The following CSNK1D variants were observed in gnomAD, a reference collection of about 807,000 sequenced individuals.
CSNK1D encodes casein kinase I isoform delta.
In CSNK1D, 16 loss-of-function variants were observed where a neutral mutation model predicts 46.6. The observed-to-expected ratio is 0.34, with a 90% CI of 0.23 to 0.52. The LOEUF (loss-of-function observed/expected upper bound fraction) is 0.52. Ranked by LOEUF, CSNK1D falls within the 20% of genes least tolerant of loss-of-function variation. The pLI is 0.95. For missense variants in CSNK1D, 398 were observed against 578.4 expected (o/e 0.69, Z 3.20); for synonymous variants, 276 against 228.2 (o/e 1.21, Z -1.89).
chr17:82,244,846 G>A lies in CSNK1D; in HGVS notation c.1198-15C>T. On this transcript the variant is annotated splice_polypyrimidine_tract_variant and intron_variant, in intron 8 of 8. Coordinates refer to ENST00000314028, the MANE Select transcript of CSNK1D (RefSeq NM_001893.6). ...CGACCAGGAATCTGTCGGAGCCAAA[G>A]CACAGGAGAAGGTCAGCATGGGGCT... 1 of 1,613,626 alleles carries A rather than the reference G, an allele frequency of 6.2e-7. No individual in the cohort carries two copies. Among genetic ancestry groups the A allele is most frequent in the South Asian group, 1.1e-5 (1 of 91,090 alleles).
At position 82,249,161 on chromosome 17, in the gene CSNK1D, T is replaced by C; in HGVS notation, c.1058-147A>G. 1 of 1,044,244 alleles carries C rather than the reference T, an allele frequency of 9.6e-7. No individual in the cohort carries two copies. Among genetic ancestry groups the C allele is most frequent in the South Asian group, 1.6e-5 (1 of 63,148 alleles). The allele number at this position is 1,044,244 out of a possible 1,614,324, so 64.7% of individuals were successfully genotyped here. On this transcript the variant is annotated intron_variant, in intron 7 of 8. Coordinates refer to ENST00000314028, the MANE Select transcript of CSNK1D (RefSeq NM_001893.6). This position sits in a 1 kb window ranked among gnomAD's most constrained non-coding sequence, Gnocchi z 6.7. ...TGGCCGATGGCCACCAACACTCAGA[T>C]CCGGCCGGAGGGACACAAAGGGACA...
At chr17:82,246,462 T>C in intron 8 of CSNK1D, 1 of 1,127,984 alleles carries the variant, frequency 8.9e-7, no homozygotes, top group Non-Finnish European at 1.1e-6. Flanking sequence ...AAGCGAGTCA[T>C]CGACTGTTGG....
rs750069938 is a variant in CSNK1D, at chr17:82,251,448, A to G, written c.816T>C (p.Leu272=). 6.2e-7 allele frequency: 1 copy of G among 1,614,136 alleles called. No homozygotes were observed. The highest frequency in any genetic ancestry group is 1.7e-5 in the Admixed American group (1 of 60,016). The change falls in exon 6 of 9, where the codon CTT becomes CTC. Residue 272 remains leucine, a synonymous_variant. Transcript: ENST00000314028. The surrounding 1 kb of genome is among the most constrained non-coding windows in gnomAD (Gnocchi z 4.5). ...CCTGGCGATGGAACAGATTCCGGAA[A>G]AGCTGCCGCAGGTACGAGTAGTCAG... ...DKPDYSYLRQ[L]FRNLFHRQGF...
At position 82,244,066 on chromosome 17, in the gene CSNK1D, C is replaced by G; in HGVS notation, c.*715G>C. ...CGAGGGCCTCAAGAGTTCCTGACAG[C>G]AGGCATGTCAATTACGGGAGGAGGG... On this transcript the variant is annotated 3_prime_UTR_variant, in exon 9 of 9. Transcript: ENST00000314028. 2.0e-6 allele frequency: 2 copies of G among 989,978 alleles called. No individual in the cohort carries two copies. The highest frequency in any genetic ancestry group is 2.4e-6 in the Non-Finnish European group (2 of 832,532). 61.3% of individuals were successfully genotyped at this position (989,978 alleles called of 1,614,324 possible).
Position 82,248,348 on chromosome 17 carries a change from G to C in CSNK1D, c.1197+527C>G, listed in dbSNP as rs2050903845. On this transcript the variant is annotated intron_variant, in intron 8 of 8. Coordinates refer to ENST00000314028, the MANE Select transcript of CSNK1D (RefSeq NM_001893.6). This position sits in a 1 kb window ranked among gnomAD's most constrained non-coding sequence, Gnocchi z 4.1. ...TGGCTAGGCCTGGGCTGCGCAACAG[G>C]GTACTTCTCGTCCAAGGGAAGACAG... 5 of 999,800 alleles carry C rather than the reference G, an allele frequency of 5.0e-6. No homozygotes were observed. In the African/African-American group the frequency reaches 7.0e-5, roughly 14 times the overall value. The allele number at this position is 999,800 out of a possible 1,614,324, so 61.9% of individuals were successfully genotyped here. A position where few individuals can be genotyped will look rare whatever the true frequency, so the allele number is the denominator to read the frequency against.
At chr17:82,266,140 C>A (rs1262730777) in intron 1 of CSNK1D, among the ~76,000 whole-genome samples, 2 of 152,200 alleles carry the variant, frequency 1.3e-5, no homozygotes, top group Non-Finnish European at 1.5e-5. Flanking sequence ...CTTGCCCGCC[C>A]CAGACAGCCT....
chr17:82,242,219 G>GC (rs1315848942), downstream of CSNK1D, among the ~76,000 whole-genome samples: 3 of 151,624 alleles, frequency 2.0e-5, no homozygotes, highest in African/African-American at 7.3e-5. Context: ...CTCTGGGGGG[G>GC]GGGGGAAGAG....
Position 82,273,331 on chromosome 17 carries a change from G to A in CSNK1D, c.51C>T (p.Ser17=), listed in dbSNP as rs766171024. The change falls in exon 1 of 9, where the codon AGC becomes AGT. Residue 17 remains serine, a synonymous_variant. Coordinates refer to ENST00000314028, the MANE Select transcript of CSNK1D (RefSeq NM_001893.6). The surrounding 1 kb of genome is among the most constrained non-coding windows in gnomAD (Gnocchi z 5.1). ...CGAGATAGATGTCTCCGAAGGAGCC[G>A]CTGCCGATCTTCCGGCCCAGCCGGT... The part of the protein sequence containing the change: ...NRYRLGRKIG[S]GSFGDIYLGT... 2.5e-6 allele frequency: 4 copies of A among 1,609,574 alleles called. No homozygotes were observed. Among genetic ancestry groups the A allele is most frequent in the South Asian group, 1.1e-5 (1 of 90,914 alleles).
In CSNK1D at chr17:82,251,114, CAG is replaced by C. The variant is rs909230878; in HGVS notation, c.885+263_885+264del. 3.6e-5 allele frequency: 17 copies of C among 477,794 alleles called. No homozygotes were observed. Among genetic ancestry groups the C allele is most frequent in the Non-Finnish European group, 6.2e-5 (16 of 258,870 alleles). 29.6% of individuals were successfully genotyped at this position (477,794 alleles called of 1,614,324 possible). On this transcript the variant is annotated intron_variant, in intron 6 of 8. Transcript: ENST00000314028. The surrounding 1 kb of genome is among the most constrained non-coding windows in gnomAD (Gnocchi z 4.5). Reference sequence around the variant, plus strand: ...TCTGGGCCCTAGCTCCGCTTGGTGACAGGGAGGGAAGGGGCCTCCTGCTGTCC... The same window carrying C: ...TCTGGGCCCTAGCTCCGCTTGGTGACGGAGGGAAGGGGCCTCCTGCTGTCC...
At position 82,243,072 on chromosome 17, in the gene CSNK1D, C is replaced by G. The variant is rs1021862114; in HGVS notation, c.*1709G>C. The G allele has an allele frequency of 1.0e-5, 10 of 985,516 alleles. No individual in the cohort carries two copies. Among genetic ancestry groups the G allele is most frequent in the Non-Finnish European group, 1.1e-5 (9 of 829,966 alleles). 61.0% of individuals were successfully genotyped at this position (985,516 alleles called of 1,614,324 possible). ...GGCTCTGACCCACCCCAACCTCCCT[C>G]TGTACTTCAACACACAGCTCCCACC... is the stretch of plus-strand genomic sequence containing the variant. On this transcript the variant is annotated 3_prime_UTR_variant, in exon 9 of 9. Coordinates refer to ENST00000314028, the MANE Select transcript of CSNK1D (RefSeq NM_001893.6).
At chr17:82,269,578 T>C (rs1357853919) in intron 1 of CSNK1D, among the ~76,000 whole-genome samples, 4 of 152,334 alleles carry the variant, frequency 2.6e-5, no homozygotes, top group Non-Finnish European at 5.9e-5. Flanking sequence ...AGTCAGTCCA[T>C]CCAGGTAACA....
chr17:82,247,879 G>C (rs2147157749), intron 8 of CSNK1D: 1 of 985,460 alleles, frequency 1.0e-6, no homozygotes, highest in Admixed American at 6.1e-5. Flanking sequence ...AATTATTAGT[G>C]AATTAGAAAC....
In CSNK1D at chr17:82,255,159, G is replaced by C. The variant is rs567459197; in HGVS notation, c.336+270C>G. Reference sequence around the variant, plus strand: ...CCTCCAGAAGCCAGTGAGCTGGGCCGCCGGAGCCTCGAGAAGCCAGTGAGC... The same window carrying C: ...CCTCCAGAAGCCAGTGAGCTGGGCCCCCGGAGCCTCGAGAAGCCAGTGAGC... On this transcript the variant is annotated intron_variant, in intron 3 of 8. Coordinates refer to ENST00000314028, the MANE Select transcript of CSNK1D (RefSeq NM_001893.6). The surrounding 1 kb of genome is among the most constrained non-coding windows in gnomAD (Gnocchi z 5.9). The C allele has an allele frequency of 2.0e-3, 856 of 433,872 alleles. 9 individuals carry two copies. Among genetic ancestry groups the C allele is most frequent in the African/African-American group, 0.018 (777 of 42,644 alleles). The allele number at this position is 433,872 out of a possible 1,614,324, so 26.9% of individuals were successfully genotyped here.
intron 2 of CSNK1D, among the ~76,000 whole-genome samples, chr17:82,262,995 C>T (rs981231900): frequency 3.3e-5 from 5 of 152,176 alleles, no homozygotes; most frequent in Non-Finnish European, 5.9e-5. Flanking sequence ...GCCTGGCCAA[C>T]GTGGTGAAGC....
chr17:82,247,934 G>C (rs749013535), intron 8 of CSNK1D: 1 of 985,340 alleles, frequency 1.0e-6, no homozygotes, highest in African/African-American at 1.7e-5. Context: ...GTGGTCAAGA[G>C]TGCTCCCCAC....
Position 82,250,047 on chromosome 17 carries a change from A to G in CSNK1D, c.886-445T>C. 8 of 1,266,916 alleles carry G rather than the reference A, an allele frequency of 6.3e-6. No individual in the cohort carries two copies. The South Asian group carries it at 1.0e-4, about 16-fold the overall frequency. 78.5% of individuals were successfully genotyped at this position (1,266,916 alleles called of 1,614,324 possible). On this transcript the variant is annotated intron_variant, in intron 6 of 8. Coordinates refer to ENST00000314028, the MANE Select transcript of CSNK1D (RefSeq NM_001893.6). The surrounding 1 kb of genome is among the most constrained non-coding windows in gnomAD (Gnocchi z 4.6). ...GTTTGGTCGGACGAGGAGTACACTC[A>G]GGGTCCGGACCCTGCAGCCTCCAAC...
At chr17:82,269,833 G>A (rs2051573322) in intron 1 of CSNK1D, among the ~76,000 whole-genome samples, 1 of 152,226 alleles carries the variant, frequency 6.6e-6, no homozygotes. Flanking sequence ...GTCCTCTTCC[G>A]CCAGACACCC....
chr17:82,271,618 A>G (rs539821180), intron 1 of CSNK1D, among the ~76,000 whole-genome samples: 95 of 152,230 alleles, frequency 6.2e-4, no homozygotes, highest in Non-Finnish European at 1.2e-3. Flanking sequence ...CCACTAAGGC[A>G]TATGTACAGG....
chr17:82,259,033 G>A (rs889047430), intron 2 of CSNK1D, among the ~76,000 whole-genome samples: 2 of 152,216 alleles, frequency 1.3e-5, no homozygotes, highest in Non-Finnish European at 2.9e-5. Flanking sequence ...GCTGGATGTC[G>A]ATGGGAACGT....
Sources: allele counts gnomAD v4.1 joint callset (sites outside exome capture counted in the v4.1 genomes callset), GRCh38; gene constraint gnomAD v4.1.1; non-coding constraint Gnocchi (gnomAD v3.1); transcripts MANE v1.5; gene names NCBI Gene and HGNC (gene_info 2026-07-23, HGNC 2026-07-21).